TMEM132C: variants seen among roughly 807,000 people sequenced by gnomAD.
The protein encoded by TMEM132C is protein phosphatase 1, regulatory subunit 152.
In TMEM132C, 29 loss-of-function variants were observed where a neutral mutation model predicts 61.4. The observed-to-expected ratio is 0.47, with a 90% CI of 0.35 to 0.64. TMEM132C has a LOEUF of 0.64. Among genes scored for constraint, TMEM132C ranks in the 30% least tolerant of loss-of-function variants. The pLI is 0.00. For missense variants in TMEM132C, 1,408 were observed against 1,476.9 expected (o/e 0.95, Z 0.76); for synonymous variants, 656 against 633.1 (o/e 1.04, Z -0.54).
intron 2 of TMEM132C, among the ~76,000 whole-genome samples, chr12:128,485,612 G>A (rs576370387): frequency 2.6e-5 from 4 of 152,080 alleles, no homozygotes; most frequent in Admixed American, 2.0e-4. Context: ...CATCTAGTAG[G>A]TGGAGGCCAG....
intron 2 of TMEM132C, among the ~76,000 whole-genome samples, chr12:128,497,273 G>C (rs1442880628): frequency 6.6e-6 from 1 of 152,232 alleles, no homozygotes. Flanking sequence ...AGGCTACTCG[G>C]GGTCAGGGAC....
intron 1 of TMEM132C, among the ~76,000 whole-genome samples, chr12:128,395,281 A>G (rs1874910250): frequency 6.6e-6 from 1 of 151,592 alleles, no homozygotes; most frequent in African/African-American, 2.4e-5. Flanking sequence ...ACTAATATCA[A>G]TATAGTTGTT....
At chr12:128,602,479 G>A (rs921480393) in intron 3 of TMEM132C, among the ~76,000 whole-genome samples, 11 of 152,196 alleles carry the variant, frequency 7.2e-5, no homozygotes, top group African/African-American at 2.2e-4. Flanking sequence ...GGGCAAGCTC[G>A]TCATGGCACT....
At chr12:128,698,332 C>A (rs956389134) in intron 8 of TMEM132C, among the ~76,000 whole-genome samples, 1 of 152,148 alleles carries the variant, frequency 6.6e-6, no homozygotes, top group Non-Finnish European at 1.5e-5. Flanking sequence ...CTCGTCTGAC[C>A]CTAACAACCT....
chr12:128,679,099 G>A (rs1954614855), intron 5 of TMEM132C, among the ~76,000 whole-genome samples: 1 of 152,196 alleles, frequency 6.6e-6, no homozygotes. Flanking sequence ...AAAAAGAAAA[G>A]GCAGGTGACA....
intron 1 of TMEM132C, among the ~76,000 whole-genome samples, chr12:128,381,858 G>T (rs1052633632): frequency 6.6e-6 from 1 of 152,170 alleles, no homozygotes; most frequent in Non-Finnish European, 1.5e-5. Context: ...AATGAAAAGC[G>T]GTGGGCAGTC....
At chr12:128,314,157 G>C (rs1029422683) in intron 1 of TMEM132C, among the ~76,000 whole-genome samples, 1 of 152,200 alleles carries the variant, frequency 6.6e-6, no homozygotes, top group African/African-American at 2.4e-5. Context: ...ATCTTACTCA[G>C]TGGAGAAATC....
chr12:128,485,816 T>C (rs1871473802), intron 2 of TMEM132C, among the ~76,000 whole-genome samples: 1 of 152,184 alleles, frequency 6.6e-6, no homozygotes, highest in African/African-American at 2.4e-5. Context: ...GATGCAAATA[T>C]TGAGCTGACG....
At position 128,415,701 on chromosome 12, in the gene TMEM132C, A is replaced by G; in HGVS notation, c.974+81A>G. ...TTCCATGCGTGGCAGATAGATATTCAGGAAGCATCGATTTTCACTACCTTC... is the reference window on the plus strand; with the variant it reads ...TTCCATGCGTGGCAGATAGATATTCGGGAAGCATCGATTTTCACTACCTTC... On this transcript the variant is annotated intron_variant, in intron 2 of 8. Transcript: ENST00000435159. The surrounding 1 kb of genome is among the most constrained non-coding windows in gnomAD (Gnocchi z 5.8). 3 of 1,416,122 alleles carry G rather than the reference A, an allele frequency of 2.1e-6. No individual in the cohort carries two copies. Among genetic ancestry groups the G allele is most frequent in the Non-Finnish European group, 1.9e-6 (2 of 1,069,248 alleles). The allele number at this position is 1,416,122 out of a possible 1,614,324, so 87.7% of individuals were successfully genotyped here.
chr12:128,419,595 G>A (rs1353621143), intron 2 of TMEM132C, among the ~76,000 whole-genome samples: 5 of 147,426 alleles, frequency 3.4e-5, no homozygotes, highest in Non-Finnish European at 7.5e-5. Context: ...TTTTTTTGGC[G>A]AAAGGAAAGA....
At chr12:128,613,697 C>T (rs1221660200) in intron 3 of TMEM132C, among the ~76,000 whole-genome samples, 4 of 152,144 alleles carry the variant, frequency 2.6e-5, no homozygotes, top group African/African-American at 9.7e-5. Flanking sequence ...AAACCCAGTG[C>T]TTTGTTTGGT....
At chr12:128,272,009 A>G (rs1197864347) in intron 1 of TMEM132C, among the ~76,000 whole-genome samples, 2 of 152,274 alleles carry the variant, frequency 1.3e-5, no homozygotes. Flanking sequence ...TTTTACAGCC[A>G]TCTACTTTGT....
At chr12:128,636,560 TTGTTTGTGTGTG>T (rs1204417374) in intron 4 of TMEM132C, among the ~76,000 whole-genome samples, 3 of 100,742 alleles carry the variant, frequency 3.0e-5, no homozygotes, top group African/African-American at 1.4e-4. Flanking sequence ...TTTTGGGTTT[TTGTTTGTGTGTG>T]TGTGTGTGTG....
intron 5 of TMEM132C, among the ~76,000 whole-genome samples, chr12:128,680,430 A>G (rs1211964617): frequency 6.6e-6 from 1 of 152,214 alleles, no homozygotes; most frequent in African/African-American, 2.4e-5. Context: ...ATAGACTGAT[A>G]TTAAGATTTA....
intron 2 of TMEM132C, among the ~76,000 whole-genome samples, chr12:128,533,197 A>G (rs570231864): frequency 3.0e-4 from 45 of 152,238 alleles, no homozygotes; most frequent in African/African-American, 1.0e-3. Context: ...CAGGGTAGAG[A>G]ACACTGGGCT....
chr12:128,496,759 T>C (rs147010992), intron 2 of TMEM132C, among the ~76,000 whole-genome samples: 47 of 152,328 alleles, frequency 3.1e-4, no homozygotes, highest in African/African-American at 1.1e-3. Context: ...GGATTTAGCT[T>C]CTTTGCTTTG....
At chr12:128,636,862 T>A (rs78353626) in intron 4 of TMEM132C, among the ~76,000 whole-genome samples, 9,131 of 152,106 alleles carry the variant, frequency 0.06, 355 homozygotes, top group Non-Finnish European at 0.087. Context: ...TCATGCAGCG[T>A]TTTTCCCTCT....
intron 5 of TMEM132C, among the ~76,000 whole-genome samples, chr12:128,683,490 C>T (rs1954651419): frequency 6.6e-6 from 1 of 152,204 alleles, no homozygotes; most frequent in Admixed American, 6.5e-5. Context: ...AAGTGAGGCT[C>T]TTCTGGACCT....
intron 3 of TMEM132C, among the ~76,000 whole-genome samples, chr12:128,607,256 A>G (rs543849484): frequency 6.6e-6 from 1 of 152,236 alleles, no homozygotes; most frequent in East Asian, 1.9e-4. Context: ...GTGGGGCTGG[A>G]GGAGAATGAG....
Sources: allele counts gnomAD v4.1 joint callset (sites outside exome capture counted in the v4.1 genomes callset), GRCh38; gene constraint gnomAD v4.1.1; non-coding constraint Gnocchi (gnomAD v3.1); transcripts MANE v1.5; gene names NCBI Gene and HGNC (gene_info 2026-07-23, HGNC 2026-07-21).